The following N4BP2L2 variants were observed in gnomAD, a reference collection of about 807,000 sequenced individuals.
N4BP2L2 encodes the protein NEDD4 binding protein 2 like 2, also known as NEDD4-binding protein 2-like 2.
N4BP2L2 carries 50 observed loss-of-function variants against 56.2 expected under a neutral mutation model. That is an observed-to-expected ratio of 0.89 (90% CI 0.71 to 1.13). The LOEUF (loss-of-function observed/expected upper bound fraction) is 1.13, where lower values mean the gene tolerates loss of function less well. Ranked by LOEUF, N4BP2L2 falls within the 50% of genes most tolerant of loss-of-function variation. The probability of loss-of-function intolerance (pLI) is 0.00; values close to 1 mark genes in which losing one functional copy is unlikely to be tolerated. For missense variants in N4BP2L2, 689 were observed against 693.8 expected, an observed-to-expected ratio of 0.99 and a Z score of 0.08; for synonymous variants, 203 against 223.6, an observed-to-expected ratio of 0.91 and a Z score of 0.82.
intron 6 of N4BP2L2, chr13:32,477,981 G>C: frequency 7.8e-7 from 1 of 1,289,322 alleles, no homozygotes; most frequent in Non-Finnish European, 1.0e-6. Flanking sequence ...CAGCTCCCAA[G>C]TCATTGTCTG....
intron 6 of N4BP2L2, among the ~76,000 whole-genome samples, chr13:32,460,947 G>T (rs2079944591): frequency 6.6e-6 from 1 of 152,068 alleles, no homozygotes; most frequent in Non-Finnish European, 1.5e-5. Context: ...AGAGATCCCA[G>T]AAATAAATCC....
At chr13:32,538,485 G>T in intron 1 of N4BP2L2, 133 bp downstream of exon 1, 1 of 417,682 alleles carries the variant, frequency 2.4e-6, no homozygotes, top group Non-Finnish European at 3.2e-6. Flanking sequence ...GAATTCTGGA[G>T]GTCTCTGAGG....
chr13:32,520,902 T>C (rs2050706570), intron 5 of N4BP2L2, among the ~76,000 whole-genome samples: 1 of 152,180 alleles, frequency 6.6e-6, no homozygotes, highest in Admixed American at 6.5e-5. Flanking sequence ...AGAATTGACT[T>C]TACATTATGC....
chr13:32,492,568 T>G (rs560357042), intron 6 of N4BP2L2, among the ~76,000 whole-genome samples: 1 of 152,270 alleles, frequency 6.6e-6, no homozygotes, highest in African/African-American at 2.4e-5. Context: ...ATTAATACCC[T>G]TTCATATGGC....
At chr13:32,491,633 A>ATG (rs1279782685) in intron 6 of N4BP2L2, among the ~76,000 whole-genome samples, 3 of 114,052 alleles carry the variant, frequency 2.6e-5, no homozygotes, top group African/African-American at 3.7e-5. Flanking sequence ...ATATATATAT[A>ATG]TATTTTTTTT....
intron 6 of N4BP2L2, among the ~76,000 whole-genome samples, chr13:32,449,641 G>A (rs995925597): frequency 6.6e-6 from 1 of 152,028 alleles, no homozygotes; most frequent in African/African-American, 2.4e-5. Flanking sequence ...TGTTAGAGAC[G>A]AGGGCTTTAA....
At chr13:32,434,249 TTTTTTTC>T (rs1369830654) in intron 9 of N4BP2L2, among the ~76,000 whole-genome samples, 982 of 80,372 alleles carry the variant, frequency 0.012, 12 homozygotes, top group African/African-American at 0.018. Flanking sequence ...GCTAATTTTC[TTTTTTTC>T]TTTTTTTTTT....
chr13:32,448,077 C>T (rs1284307808), intron 6 of N4BP2L2, among the ~76,000 whole-genome samples: 3 of 152,170 alleles, frequency 2.0e-5, no homozygotes, highest in Non-Finnish European at 4.4e-5. Flanking sequence ...AGACATGTAC[C>T]AGTTCTGCAC....
exon 9 of N4BP2L2, chr13:32,436,399 G>T: frequency 8.1e-7 from 1 of 1,228,510 alleles, no homozygotes; most frequent in Non-Finnish European, 1.1e-6. Context: ...ATCTTCTTCT[G>T]TCTTTTCTAG....
In N4BP2L2 at chr13:32,454,394, A is replaced by G. The variant is rs751495429; in HGVS notation, c.366-10268T>C. On this transcript the variant is annotated intron_variant, in intron 6 of 9. Transcript: ENST00000357505. ...AAGTCACTAAACAAACAACAGTTAC[A>G]ACAAGGAGCAGAAACAAACCTTGGG... 3.3e-4 allele frequency among the ~76,000 whole-genome samples: 50 copies of G among 152,336 alleles called. No individual in the cohort carries two copies. The Middle Eastern group carries it at 0.014, about 41-fold the overall frequency.
At chr13:32,538,383 C>A (rs1192873079) in intron 1 of N4BP2L2, among the ~76,000 whole-genome samples, 1 of 152,154 alleles carries the variant, frequency 6.6e-6, no homozygotes, top group Non-Finnish European at 1.5e-5. Flanking sequence ...ATCCGAGCCC[C>A]ATGCCTCCAG....
chr13:32,528,027 C>T (rs1232183999), intron 2 of N4BP2L2, among the ~76,000 whole-genome samples: 1 of 152,230 alleles, frequency 6.6e-6, no homozygotes, highest in East Asian at 1.9e-4. Flanking sequence ...GCCTCGGCCT[C>T]CCAAAGTGCT....
At chr13:32,467,859 G>A (rs941134006) in intron 6 of N4BP2L2, among the ~76,000 whole-genome samples, 5 of 151,608 alleles carry the variant, frequency 3.3e-5, no homozygotes, top group Admixed American at 6.6e-5. Flanking sequence ...GCATGGTGGC[G>A]GGTGCCTGTA....
At chr13:32,466,164 T>C (rs936900744) in intron 6 of N4BP2L2, among the ~76,000 whole-genome samples, 2 of 152,180 alleles carry the variant, frequency 1.3e-5, no homozygotes, top group African/African-American at 4.8e-5. Context: ...ATAGATCGAA[T>C]AAGCAAATTA....
At chr13:32,442,742 C>T in exon 7 of N4BP2L2, 1 of 1,613,106 alleles carries the variant, frequency 6.2e-7, no homozygotes, top group Non-Finnish European at 8.5e-7. Flanking sequence ...TTATGTAGCA[C>T]AAAAGAAGGA....
intron 6 of N4BP2L2, among the ~76,000 whole-genome samples, chr13:32,493,312 C>T (rs1225910038): frequency 6.6e-6 from 1 of 151,918 alleles, no homozygotes; most frequent in Non-Finnish European, 1.5e-5. Flanking sequence ...GTTCTCATGC[C>T]TCTATCTATT....
chr13:32,436,868 T>TATC (rs2075583862), intron 8 of N4BP2L2, among the ~76,000 whole-genome samples: 2 of 130,578 alleles, frequency 1.5e-5, no homozygotes, highest in Non-Finnish European at 3.1e-5. Flanking sequence ...ATCTATCTAT[T>TATC]TATTTATTTA....
chr13:32,435,371 T>C (rs1439066993), intron 9 of N4BP2L2, among the ~76,000 whole-genome samples: 1 of 152,120 alleles, frequency 6.6e-6, no homozygotes, highest in African/African-American at 2.4e-5. Flanking sequence ...GTAGCTGGGA[T>C]TACAGGCACC....
At chr13:32,468,982 A>G (rs1593628806) in intron 6 of N4BP2L2, among the ~76,000 whole-genome samples, 1 of 152,240 alleles carries the variant, frequency 6.6e-6, no homozygotes, top group South Asian at 2.1e-4. Flanking sequence ...AGATAAAGGT[A>G]GACAGTGTAA....
Sources: allele counts gnomAD v4.1 joint callset (sites outside exome capture counted in the v4.1 genomes callset), GRCh38; gene constraint gnomAD v4.1.1; transcripts MANE v1.5; gene names NCBI Gene and HGNC (gene_info 2026-07-23, HGNC 2026-07-21).